The following OSBPL3 variants were observed in gnomAD, a reference collection of about 807,000 sequenced individuals.
The protein encoded by OSBPL3 is oxysterol binding protein like 3.
Under a neutral mutation model 120.1 loss-of-function variants are expected in OSBPL3, and 65 were observed. That is an observed-to-expected ratio of 0.54 (90% CI 0.44 to 0.67). The LOEUF (loss-of-function observed/expected upper bound fraction) is 0.67. OSBPL3 is among the 30% of genes least tolerant of loss of function. OSBPL3 has a pLI of 0.00. For synonymous variants in OSBPL3, 416 were observed against 402.6 expected (o/e 1.03, Z -0.40); for missense variants, 1,004 against 1,082.1 (o/e 0.93, Z 1.01).
At chr7:24,844,776 A>C (rs1304716257) in intron 12 of OSBPL3, among the ~76,000 whole-genome samples, 1 of 152,230 alleles carries the variant, frequency 6.6e-6, no homozygotes, top group Non-Finnish European at 1.5e-5. Flanking sequence ...AGTCGATATG[A>C]ATGTGGAAGT....
At chr7:24,885,591 A>G (rs909790985) in intron 2 of OSBPL3, among the ~76,000 whole-genome samples, 1 of 152,236 alleles carries the variant, frequency 6.6e-6, no homozygotes, top group Non-Finnish European at 1.5e-5. Context: ...TGAGTGAAGC[A>G]CTTGTCAATT....
At chr7:24,842,142 G>A in intron 13 of OSBPL3, 137 bp downstream of exon 13, 1 of 858,234 alleles carries the variant, frequency 1.2e-6, no homozygotes, top group East Asian at 2.5e-5. Flanking sequence ...TGAGTTATGG[G>A]AGAACTCTCA....
Position 24,872,566 on chromosome 7 carries a change from T to C in OSBPL3, c.97-497A>G, listed in dbSNP as rs1350689117. On this transcript the variant is annotated intron_variant, in intron 2 of 22. Transcript: ENST00000313367. This position sits in a 1 kb window ranked among gnomAD's most constrained non-coding sequence, Gnocchi z 4.1. Reference sequence around the variant, plus strand: ...CAAATCAGTAAATATGACAACTTGATTGAAATAATTATTTTGTTGAAAATC... The same window carrying C: ...CAAATCAGTAAATATGACAACTTGACTGAAATAATTATTTTGTTGAAAATC... Among the ~76,000 whole-genome samples the C allele has an allele frequency of 6.6e-6, 1 of 151,948 alleles. No homozygotes were observed. Among genetic ancestry groups the C allele is most frequent in the Non-Finnish European group, 1.5e-5 (1 of 68,002 alleles).
In OSBPL3 at chr7:24,802,527, A is replaced by C. The variant is rs1488227503; in HGVS notation, c.2567+1788T>G. 6.6e-6 allele frequency among the ~76,000 whole-genome samples: 1 copy of C among 152,232 alleles called. No homozygotes were observed. Among genetic ancestry groups the C allele is most frequent in the Admixed American group, 6.5e-5 (1 of 15,284 alleles). ...CAGACACAATTCCTTCCTGATTGCA[A>C]TGACAGCATAATCACATTCTGTATC... On this transcript the variant is annotated intron_variant, in intron 22 of 22. Coordinates refer to ENST00000313367, the MANE Select transcript of OSBPL3 (RefSeq NM_015550.4). The surrounding 1 kb of genome is among the most constrained non-coding windows in gnomAD (Gnocchi z 4.1).
In OSBPL3 at chr7:24,879,434, G is replaced by A. The variant is rs941650358; in HGVS notation, c.97-7365C>T. ...CCCTTCTTTCCCTTCACACACAGAT[G>A]TAGCTCTCCAACCTCAGGCCAGAGC... On this transcript the variant is annotated intron_variant, in intron 2 of 22. Coordinates refer to ENST00000313367, the MANE Select transcript of OSBPL3 (RefSeq NM_015550.4). The surrounding 1 kb of genome is among the most constrained non-coding windows in gnomAD (Gnocchi z 5.6). Among the ~76,000 whole-genome samples, 1 of 152,198 alleles carries A rather than the reference G, an allele frequency of 6.6e-6. No individual in the cohort carries two copies. Among genetic ancestry groups the A allele is most frequent in the Admixed American group, 6.6e-5 (1 of 15,266 alleles).
At chr7:24,866,425 C>T (rs557625428) in intron 5 of OSBPL3, among the ~76,000 whole-genome samples, 188 bp from the exon 6 acceptor site, 10 of 152,178 alleles carry the variant, frequency 6.6e-5, no homozygotes, top group Non-Finnish European at 1.2e-4. Flanking sequence ...ACCACTTGAG[C>T]CCAGGAGTTC....
chr7:24,866,805 GTTAT>G (rs1398671085), intron 5 of OSBPL3, among the ~76,000 whole-genome samples: 2 of 152,130 alleles, frequency 1.3e-5, no homozygotes, highest in Non-Finnish European at 2.9e-5. Context: ...AAGTCCAACT[GTTAT>G]TTATTTATTT....
chr7:24,873,999 G>C lies in OSBPL3; in HGVS notation c.97-1930C>G, dbSNP rs1008457197. ...TTTTATCATCCCTGCTGGACAGCAG[G>C]CTCCTTGAGGGTATAAAGGGTCCGG... is the stretch of plus-strand genomic sequence containing the variant. On this transcript the variant is annotated intron_variant, in intron 2 of 22. Transcript: ENST00000313367. The surrounding 1 kb of genome is among the most constrained non-coding windows in gnomAD (Gnocchi z 4.1). Among the ~76,000 whole-genome samples the C allele has an allele frequency of 1.3e-5, 2 of 152,164 alleles. No individual in the cohort carries two copies. The highest frequency in any genetic ancestry group is 4.8e-5 in the African/African-American group (2 of 41,430).
At chr7:24,975,689 T>A (rs1817510503) in intron 1 of OSBPL3, among the ~76,000 whole-genome samples, 1 of 151,610 alleles carries the variant, frequency 6.6e-6, no homozygotes, top group South Asian at 2.1e-4. Context: ...GGCAACAGGG[T>A]GAGAGGAATA....
At position 24,802,838 on chromosome 7, in the gene OSBPL3, A is replaced by G. The variant is rs1339718986; in HGVS notation, c.2567+1477T>C. ...TATTAACTGATCAGTAAATCAACTG[A>G]TCAGTCTGTTAATCTATCCATTTTT... On this transcript the variant is annotated intron_variant, in intron 22 of 22. Coordinates refer to ENST00000313367, the MANE Select transcript of OSBPL3 (RefSeq NM_015550.4). The surrounding 1 kb of genome is among the most constrained non-coding windows in gnomAD (Gnocchi z 4.1). Among the ~76,000 whole-genome samples the G allele has an allele frequency of 6.6e-6, 1 of 152,218 alleles. No individual in the cohort carries two copies. Among genetic ancestry groups the G allele is most frequent in the African/African-American group, 2.4e-5 (1 of 41,468 alleles).
In OSBPL3 at chr7:24,947,868, A is replaced by C. The variant is rs1188318275; in HGVS notation, c.-150+32018T>G. Reference sequence around the variant, plus strand: ...ATCGGTGTTGGTAATTTGACACTGTACAGGGGAACAATATAATGTCCCCAA... The same window carrying C: ...ATCGGTGTTGGTAATTTGACACTGTCCAGGGGAACAATATAATGTCCCCAA... On this transcript the variant is annotated intron_variant, in intron 1 of 22. Transcript: ENST00000313367. The surrounding 1 kb of genome is among the most constrained non-coding windows in gnomAD (Gnocchi z 4.4). Among the ~76,000 whole-genome samples, 5 of 152,160 alleles carry C rather than the reference A, an allele frequency of 3.3e-5. No individual in the cohort carries two copies. Among genetic ancestry groups the C allele is most frequent in the Non-Finnish European group, 2.9e-5 (2 of 68,026 alleles).
chr7:24,809,913 GC>G lies in OSBPL3; in HGVS notation c.2210del (p.Gly737AlafsTer56). On this transcript the variant is annotated frameshift_variant, in exon 20 of 23. Transcript: ENST00000313367. LOFTEE classifies it high-confidence loss of function. ...CTTTTCCACTCCTGTCAAACACTGT[GC>G]CTTCAATCTCATGGGCATTAGTGCT... The part of the protein sequence containing the change: ...YWSTNAHEIE[G>X]TVFDRSGKAV... 6.2e-7 allele frequency: 1 copy of G among 1,614,110 alleles called. No homozygotes were observed. Among genetic ancestry groups the G allele is most frequent in the Non-Finnish European group, 8.5e-7 (1 of 1,179,970 alleles).
At chr7:24,977,706 A>G (rs1262218132) in intron 1 of OSBPL3, among the ~76,000 whole-genome samples, 1 of 152,144 alleles carries the variant, frequency 6.6e-6, no homozygotes, top group Non-Finnish European at 1.5e-5. Context: ...AATACAAAAA[A>G]TTAGCCGGTC....
chr7:24,812,037 T>A (rs1793867869), intron 19 of OSBPL3, among the ~76,000 whole-genome samples: 2 of 152,190 alleles, frequency 1.3e-5, no homozygotes, highest in Non-Finnish European at 2.9e-5. Context: ...ACGGGTGCAG[T>A]GCCTGATGCC....
At chr7:24,807,215 G>A (rs955920786) in intron 20 of OSBPL3, among the ~76,000 whole-genome samples, 3 of 152,234 alleles carry the variant, frequency 2.0e-5, no homozygotes, top group Non-Finnish European at 2.9e-5. Flanking sequence ...ATGCTCGGCT[G>A]GGCGTGGTGG....
chr7:24,925,696 T>G (rs941434785), intron 1 of OSBPL3, among the ~76,000 whole-genome samples: 2 of 152,224 alleles, frequency 1.3e-5, no homozygotes, highest in African/African-American at 4.8e-5. Context: ...TCTCTATCAC[T>G]GTAGCAGACA....
In OSBPL3 at chr7:24,820,246, A is replaced by G; in HGVS notation, c.1885-8T>C. 8 of 1,608,694 alleles carry G rather than the reference A, an allele frequency of 5.0e-6. No homozygotes were observed. Among genetic ancestry groups the G allele is most frequent in the Non-Finnish European group, 6.8e-6 (8 of 1,176,280 alleles). ...AGGCGGATGGTGGCTGACCTGATGG[A>G]AACAAAGGACAGAAAAACAAAAAAT... On this transcript the variant is annotated splice_region_variant and splice_polypyrimidine_tract_variant and intron_variant, in intron 16 of 22. Transcript: ENST00000313367. This position sits in a 1 kb window ranked among gnomAD's most constrained non-coding sequence, Gnocchi z 4.6.
At chr7:24,895,541 A>G (rs1806016391) in intron 1 of OSBPL3, among the ~76,000 whole-genome samples, 1 of 152,246 alleles carries the variant, frequency 6.6e-6, no homozygotes, top group Non-Finnish European at 1.5e-5. Flanking sequence ...AAAACAGGGA[A>G]GAATAAAGAA....
At position 24,955,973 on chromosome 7, in the gene OSBPL3, T is replaced by A. The variant is rs1814998274; in HGVS notation, c.-150+23913A>T. Among the ~76,000 whole-genome samples, 1 of 152,244 alleles carries A rather than the reference T, an allele frequency of 6.6e-6. No homozygotes were observed. Among genetic ancestry groups the A allele is most frequent in the African/African-American group, 2.4e-5 (1 of 41,462 alleles). ...CTGAGGAAACCCTATGAGTTTCTCATTTGTAGCTATGAGATTATGCAAACC... is the reference window on the plus strand; with the variant it reads ...CTGAGGAAACCCTATGAGTTTCTCAATTGTAGCTATGAGATTATGCAAACC... On this transcript the variant is annotated intron_variant, in intron 1 of 22. Transcript: ENST00000313367. This position sits in a 1 kb window ranked among gnomAD's most constrained non-coding sequence, Gnocchi z 4.3.
Sources: allele counts gnomAD v4.1 joint callset (sites outside exome capture counted in the v4.1 genomes callset), GRCh38; gene constraint gnomAD v4.1.1; non-coding constraint Gnocchi (gnomAD v3.1); transcripts MANE v1.5; gene names NCBI Gene and HGNC (gene_info 2026-07-23, HGNC 2026-07-21).